ARHGAP26: variants seen among roughly 807,000 people sequenced by gnomAD.
ARHGAP26 encodes the protein Rho GTPase activating protein 26, also known as rho GTPase-activating protein 26.
Under a neutral mutation model 104.8 loss-of-function variants are expected in ARHGAP26, and 38 were observed. That is an observed-to-expected ratio of 0.36 (90% CI 0.28 to 0.48). The LOEUF is 0.48. ARHGAP26 is among the 20% of genes least tolerant of loss of function. The pLI is 0.99. For synonymous variants in ARHGAP26, 341 were observed against 340.0 expected (o/e 1.00, Z -0.03); for missense variants, 704 against 947.9 (o/e 0.74, Z 3.38).
chr5:142,992,666 A>G (rs1171921588), intron 11 of ARHGAP26, among the ~76,000 whole-genome samples: 1 of 151,994 alleles, frequency 6.6e-6, no homozygotes. Flanking sequence ...TGACCTCGTG[A>G]TCCGCCTGCC....
At chr5:142,883,806 C>G (rs1376941255) in intron 4 of ARHGAP26, among the ~76,000 whole-genome samples, 1 of 152,200 alleles carries the variant, frequency 6.6e-6, no homozygotes, top group Non-Finnish European at 1.5e-5. Context: ...TCCTTTGTAG[C>G]ACTTGCAGCA....
chr5:142,963,198 A>ATATATATATGTGTGTGTGTGTGTGTG (rs869247749), intron 11 of ARHGAP26, among the ~76,000 whole-genome samples: 2 of 98,320 alleles, frequency 2.0e-5, no homozygotes, highest in African/African-American at 1.2e-4. Context: ...ATATATATAT[A>ATATATATATGTGTGTGTGTGTGTGTG]TGTGTGTGTG....
At chr5:142,972,113 C>G (rs1056418394) in intron 11 of ARHGAP26, among the ~76,000 whole-genome samples, 2 of 151,244 alleles carry the variant, frequency 1.3e-5, no homozygotes, top group Non-Finnish European at 2.9e-5. Context: ...ACCTGCGAGG[C>G]GGAGGTTGCA....
intron 19 of ARHGAP26, among the ~76,000 whole-genome samples, chr5:143,146,685 G>A (rs1799197163): frequency 6.6e-6 from 1 of 152,250 alleles, no homozygotes; most frequent in Non-Finnish European, 1.5e-5. Flanking sequence ...ACAGAAAGAT[G>A]TGTCTGAGAA....
intron 8 of ARHGAP26, among the ~76,000 whole-genome samples, chr5:142,906,422 C>T (rs919685450): frequency 6.6e-6 from 1 of 152,168 alleles, no homozygotes; most frequent in Non-Finnish European, 1.5e-5. Flanking sequence ...TTCTCAGTTC[C>T]ACCAACCCCT....
intron 1 of ARHGAP26, among the ~76,000 whole-genome samples, chr5:142,815,648 C>T (rs1288903972): frequency 6.6e-6 from 1 of 152,244 alleles, no homozygotes; most frequent in East Asian, 1.9e-4. Context: ...CACTGGCTGT[C>T]AGCCCTGGTC....
At chr5:143,205,492 A>G (rs113709160) in intron 20 of ARHGAP26, among the ~76,000 whole-genome samples, 14 of 152,306 alleles carry the variant, frequency 9.2e-5, no homozygotes, top group Middle Eastern at 3.4e-3. Flanking sequence ...CTGTATTGTC[A>G]TTTTCCCTTG....
At chr5:142,771,445 A>G in intron 1 of ARHGAP26, 1 of 1,226,412 alleles carries the variant, frequency 8.2e-7, no homozygotes, top group Non-Finnish European at 1.0e-6. Context: ...CCCTGGGTGG[A>G]ATGCTTGGTT....
chr5:142,983,511 CTT>C (rs981864761), intron 11 of ARHGAP26, among the ~76,000 whole-genome samples: 15 of 152,202 alleles, frequency 9.9e-5, no homozygotes, highest in African/African-American at 3.6e-4. Flanking sequence ...CAGCCTGGTC[CTT>C]TGTTTCTATT....
In ARHGAP26 at chr5:142,778,197, A is replaced by G. The variant is rs551258858; in HGVS notation, c.154+7282A>G. Among the ~76,000 whole-genome samples the G allele has an allele frequency of 1.8e-4, 27 of 152,370 alleles. 1 individual carries two copies. The highest frequency in any genetic ancestry group is 3.3e-4 in the Admixed American group (5 of 15,308). Reference sequence around the variant, plus strand: ...ATTTTTGGCCTGAGCAGTTATGTGAATGATGGTACTATTTGCTAAAATAGT... The same window carrying G: ...ATTTTTGGCCTGAGCAGTTATGTGAGTGATGGTACTATTTGCTAAAATAGT... On this transcript the variant is annotated intron_variant, in intron 1 of 22. Transcript: ENST00000645722.
chr5:142,988,912 T>C (rs1017505223), intron 11 of ARHGAP26, among the ~76,000 whole-genome samples: 6 of 152,224 alleles, frequency 3.9e-5, no homozygotes, highest in African/African-American at 1.2e-4. Flanking sequence ...TACTTCCAAC[T>C]ATGTGGTTAA....
intron 6 of ARHGAP26, among the ~76,000 whole-genome samples, chr5:142,898,146 A>ATG (rs1759743146): frequency 7.0e-6 from 1 of 143,112 alleles, no homozygotes; most frequent in African/African-American, 2.8e-5. Context: ...TGGGATATAT[A>ATG]TGTGTGTATA....
At chr5:143,063,867 T>A (rs374570574) in intron 17 of ARHGAP26, among the ~76,000 whole-genome samples, 85 of 152,304 alleles carry the variant, frequency 5.6e-4, no homozygotes, top group African/African-American at 1.9e-3. Context: ...TCTTTTAGCA[T>A]GTATCACATT....
chr5:143,114,567 C>T (rs1464453436), intron 17 of ARHGAP26, among the ~76,000 whole-genome samples: 1 of 152,214 alleles, frequency 6.6e-6, no homozygotes, highest in East Asian at 1.9e-4. Flanking sequence ...TAATCCTCTT[C>T]AGCCCTAGAG....
rs952162052 is a variant in ARHGAP26 at position 142,777,150 on chromosome 5, A to G, written c.154+6235A>G. Among the ~76,000 whole-genome samples, 3 of 152,180 alleles carry G rather than the reference A, an allele frequency of 2.0e-5. No homozygotes were observed. In the South Asian group the frequency reaches 6.2e-4, roughly 32 times the overall value. On this transcript the variant is annotated intron_variant, in intron 1 of 22. Transcript: ENST00000645722. ...TGATTAAGTGAACAGCACTTAGTAT[A>G]TTTTCTCCATTTGCCCTCTTTTGGG...
At position 142,903,685 on chromosome 5, in the gene ARHGAP26, A is replaced by G; in HGVS notation, c.832+16A>G. Reference sequence around the variant, plus strand: ...CAGGAGAAACGTGAGTGCTTTGACTAGCAACAGCTTGGGATGTACTCAGGC... The same window carrying G: ...CAGGAGAAACGTGAGTGCTTTGACTGGCAACAGCTTGGGATGTACTCAGGC... On this transcript the variant is annotated intron_variant, in intron 8 of 22. Coordinates refer to ENST00000645722, the MANE Select transcript of ARHGAP26 (RefSeq NM_001135608.3). 1 of 1,612,472 alleles carries G rather than the reference A, an allele frequency of 6.2e-7. No individual in the cohort carries two copies. The highest frequency in any genetic ancestry group is 8.5e-7 in the Non-Finnish European group (1 of 1,179,248).
At chr5:143,007,261 G>A (rs904421375) in intron 11 of ARHGAP26, among the ~76,000 whole-genome samples, 1 of 149,304 alleles carries the variant, frequency 6.7e-6, no homozygotes, top group Admixed American at 6.7e-5. Flanking sequence ...GCATTCTAAT[G>A]TGTTCAACTG....
At chr5:142,895,343 G>C (rs1759314727) in intron 6 of ARHGAP26, among the ~76,000 whole-genome samples, 1 of 151,898 alleles carries the variant, frequency 6.6e-6, no homozygotes. Context: ...CGATTCTCCT[G>C]CCTCAGCCTC....
At chr5:143,200,173 A>G (rs185094039) in intron 20 of ARHGAP26, among the ~76,000 whole-genome samples, 1 of 152,334 alleles carries the variant, frequency 6.6e-6, no homozygotes, top group East Asian at 1.9e-4. Flanking sequence ...TTTTTTTCTA[A>G]TGATCATGCT....
Sources: allele counts gnomAD v4.1 joint callset (sites outside exome capture counted in the v4.1 genomes callset), GRCh38; gene constraint gnomAD v4.1.1; transcripts MANE v1.5; gene names NCBI Gene and HGNC (gene_info 2026-07-23, HGNC 2026-07-21).